Variants in RGS7 observed in about 807,000 individuals in gnomAD.
RGS7 encodes regulator of G protein signaling 7.
In RGS7, 27 loss-of-function variants were observed where a neutral mutation model predicts 81.1. The ratio of observed to expected loss-of-function variants is 0.33; its 90% CI spans 0.25 to 0.46. The LOEUF (loss-of-function observed/expected upper bound fraction) is 0.46. RGS7 is among the 20% of genes least tolerant of loss of function. RGS7 has a pLI of 1.00. For synonymous variants in RGS7, 208 were observed against 207.7 expected, an observed-to-expected ratio of 1.00 and a Z score of -0.01; for missense variants, 396 against 607.4, an observed-to-expected ratio of 0.65 and a Z score of 3.66.
intron 2 of RGS7, among the ~76,000 whole-genome samples, chr1:241,135,589 G>T (rs78461327): frequency 0.013 from 1,970 of 152,094 alleles, 54 homozygotes; most frequent in East Asian, 0.059. Flanking sequence ...AATGGCACTG[G>T]GTTTACCTAG....
chr1:241,149,124 C>T (rs1249696328), intron 2 of RGS7, among the ~76,000 whole-genome samples: 1 of 152,142 alleles, frequency 6.6e-6, no homozygotes, highest in Admixed American at 6.5e-5. Flanking sequence ...AAGTGGAAAG[C>T]AGAAAATACA....
intron 2 of RGS7, among the ~76,000 whole-genome samples, chr1:241,320,178 C>T (rs2148601604): frequency 6.6e-6 from 1 of 152,274 alleles, no homozygotes; most frequent in African/African-American, 2.4e-5. Context: ...CTTGTAGTTC[C>T]CTGAAGCATC....
intron 2 of RGS7, among the ~76,000 whole-genome samples, chr1:241,171,534 G>A (rs555415859): frequency 6.6e-6 from 1 of 152,312 alleles, no homozygotes; most frequent in African/African-American, 2.4e-5. Context: ...ATGGCAGACA[G>A]TTTAGGTAAT....
At chr1:240,971,989 A>G (rs1048961837) in intron 4 of RGS7, among the ~76,000 whole-genome samples, 6 of 152,260 alleles carry the variant, frequency 3.9e-5, no homozygotes, top group African/African-American at 1.4e-4. Context: ...TTTGAAGAGC[A>G]TACAGAAAAG....
chr1:241,228,200 A>G (rs545282665), intron 2 of RGS7, among the ~76,000 whole-genome samples: 2 of 152,310 alleles, frequency 1.3e-5, no homozygotes, highest in South Asian at 4.1e-4. Flanking sequence ...GTATCAGGTG[A>G]GCCCAGCGTT....
chr1:241,323,595 A>AT (rs1455542357), intron 2 of RGS7, among the ~76,000 whole-genome samples: 2 of 152,246 alleles, frequency 1.3e-5, no homozygotes, highest in Admixed American at 6.5e-5. Flanking sequence ...CTGTAAGTCA[A>AT]TGATATGAAC....
chr1:241,018,692 T>C (rs2059393706), intron 3 of RGS7, among the ~76,000 whole-genome samples: 1 of 151,974 alleles, frequency 6.6e-6, no homozygotes, highest in Admixed American at 6.6e-5. Flanking sequence ...TAAGTCTCAT[T>C]TAGTGAGACT....
intron 2 of RGS7, among the ~76,000 whole-genome samples, chr1:241,293,773 T>C (rs527513828): frequency 6.6e-6 from 1 of 152,278 alleles, no homozygotes; most frequent in South Asian, 2.1e-4. Flanking sequence ...ATGGCCATCA[T>C]TAAAAAGTCT....
chr1:241,324,308 G>A (rs2081369222), intron 2 of RGS7, among the ~76,000 whole-genome samples: 1 of 151,510 alleles, frequency 6.6e-6, no homozygotes, highest in African/African-American at 2.4e-5. Context: ...GAGACAGTTT[G>A]GGATGAAAGA....
intron 10 of RGS7, among the ~76,000 whole-genome samples, chr1:240,820,306 T>C (rs1691540157): frequency 6.6e-6 from 1 of 152,162 alleles, no homozygotes; most frequent in Admixed American, 6.5e-5. Flanking sequence ...GATTAACACG[T>C]TCCTTTATTC....
intron 3 of RGS7, among the ~76,000 whole-genome samples, chr1:241,041,720 G>C (rs79312248): frequency 0.026 from 3,988 of 152,172 alleles, 69 homozygotes; most frequent in South Asian, 0.05. Flanking sequence ...TCACAAGCAG[G>C]ATAAAGACAG....
intron 2 of RGS7, among the ~76,000 whole-genome samples, chr1:241,226,592 G>A (rs566850493): frequency 6.6e-6 from 1 of 152,208 alleles, no homozygotes; most frequent in African/African-American, 2.4e-5. Context: ...CAAAAACAGA[G>A]GTAAAAGACA....
chr1:241,279,464 T>G (rs986749270), intron 2 of RGS7, among the ~76,000 whole-genome samples: 2 of 152,268 alleles, frequency 1.3e-5, no homozygotes, highest in Non-Finnish European at 2.9e-5. Context: ...CTATGTATCA[T>G]GTACCTATGT....
rs74150257 is a variant in RGS7, at chr1:241,316,283, C to T, written c.78+39416G>A. Among the ~76,000 whole-genome samples, 1,258 of 152,318 alleles carry T rather than the reference C, an allele frequency of 8.3e-3. 16 individuals are homozygous for T. The highest frequency in any genetic ancestry group is 0.029 in the African/African-American group (1,199 of 41,572). ...GGGGTTTGGGGAGAGTGCTGTTACA[C>T]AGTCATGATTGACTAAATCACCGGC... On this transcript the variant is annotated intron_variant, in intron 2 of 18. Coordinates refer to ENST00000440928, the MANE Select transcript of RGS7 (RefSeq NM_001364886.1).
chr1:240,963,485 T>C (rs1259067459), intron 4 of RGS7, among the ~76,000 whole-genome samples: 1 of 152,118 alleles, frequency 6.6e-6, no homozygotes. Flanking sequence ...TGGAGGGTGA[T>C]GAAGTTATGG....
chr1:241,072,094 G>A (rs1272497207), intron 3 of RGS7, among the ~76,000 whole-genome samples: 1 of 151,984 alleles, frequency 6.6e-6, no homozygotes, highest in African/African-American at 2.4e-5. Context: ...TGATCTAACT[G>A]GTACATATAC....
intron 6 of RGS7, among the ~76,000 whole-genome samples, chr1:240,907,928 T>A (rs559166463): frequency 3.9e-5 from 6 of 152,296 alleles, no homozygotes; most frequent in African/African-American, 1.4e-4. Context: ...CGTTTTGATT[T>A]AAATTATAAA....
chr1:241,185,019 T>C (rs2071968672), intron 2 of RGS7, among the ~76,000 whole-genome samples: 5 of 152,220 alleles, frequency 3.3e-5, no homozygotes, highest in Admixed American at 3.3e-4. Flanking sequence ...GGTAATATTC[T>C]AAAGTATGTC....
intron 6 of RGS7, among the ~76,000 whole-genome samples, chr1:240,894,069 T>A (rs980209324): frequency 1.3e-5 from 2 of 152,222 alleles, no homozygotes; most frequent in Non-Finnish European, 2.9e-5. Flanking sequence ...TAATATCATA[T>A]CTGGCTATAC....
Sources: allele counts gnomAD v4.1 joint callset (sites outside exome capture counted in the v4.1 genomes callset), GRCh38; gene constraint gnomAD v4.1.1; transcripts MANE v1.5; gene names NCBI Gene and HGNC (gene_info 2026-07-23, HGNC 2026-07-21).